The following ZC3H12B variants were observed in gnomAD, a reference collection of about 807,000 sequenced individuals.
ZC3H12B encodes zinc finger CCCH-type containing 12B.
In ZC3H12B, 7 loss-of-function variants were observed where a neutral mutation model predicts 43.9. The observed-to-expected ratio is 0.16, with a 90% CI of 0.09 to 0.30. The LOEUF is 0.30. Ranked by LOEUF, ZC3H12B falls within the 10% of genes least tolerant of loss-of-function variation. The pLI is 1.00. For synonymous variants in ZC3H12B, 222 were observed against 241.7 expected (o/e 0.92, Z 0.76); for missense variants, 475 against 670.2 (o/e 0.71, Z 3.22).
At chrX:65,165,194 C>T in the ZC3H12B span, among the ~76,000 whole-genome samples, 2 of 112,017 alleles carry the variant, frequency 1.8e-5, no homozygotes, top group Non-Finnish European at 3.8e-5. Flanking sequence ...TTACTTCCTT[C>T]TTTTATATTG....
At chrX:65,153,218 C>A in the ZC3H12B span, among the ~76,000 whole-genome samples, 3 of 111,690 alleles carry the variant, frequency 2.7e-5, no homozygotes, top group African/African-American at 6.5e-5. Context: ...GCAACAAAAG[C>A]CAAAATTGAC....
At chrX:65,167,844 A>G in the ZC3H12B span, among the ~76,000 whole-genome samples, 2 of 111,427 alleles carry the variant, frequency 1.8e-5, no homozygotes, top group East Asian at 2.8e-4. Flanking sequence ...TCTATTTGTT[A>G]TTGGTGTATA....
At chrX:65,389,282 A>G (rs769776625) in intron 2 of ZC3H12B, among the ~76,000 whole-genome samples, 148 of 112,071 alleles carry the variant, frequency 1.3e-3, no homozygotes, top group African/African-American at 4.5e-3. Context: ...GGTGGGCTCC[A>G]CCCAGTTCGC....
the ZC3H12B span, among the ~76,000 whole-genome samples, chrX:65,088,573 A>G: frequency 1.8e-5 from 2 of 111,921 alleles, no homozygotes; most frequent in Non-Finnish European, 3.8e-5. Context: ...GCTTCTGCTT[A>G]ATCTTTTCTA....
chrX:65,255,095 T>A, the ZC3H12B span, among the ~76,000 whole-genome samples: 1 of 111,770 alleles, frequency 8.9e-6, no homozygotes, highest in African/African-American at 3.3e-5. Flanking sequence ...TTCATCAACG[T>A]CCCTGAAGAG....
At chrX:65,283,612 C>T in the ZC3H12B span, among the ~76,000 whole-genome samples, 4 of 111,980 alleles carry the variant, frequency 3.6e-5, no homozygotes, top group Admixed American at 9.4e-5. Context: ...AGCTGATAAG[C>T]GACTTCAGCA....
chrX:65,189,763 T>C, the ZC3H12B span, among the ~76,000 whole-genome samples: 1 of 111,192 alleles, frequency 9.0e-6, no homozygotes, highest in Non-Finnish European at 1.9e-5. Context: ...TTCACTCTGA[T>C]GGTAGTTGCT....
At chrX:65,379,238 C>A (rs1258349405) in intron 2 of ZC3H12B, among the ~76,000 whole-genome samples, 1 of 111,816 alleles carries the variant, frequency 8.9e-6, no homozygotes, top group South Asian at 3.7e-4. Context: ...CAGTGGTTCT[C>A]CCAGCACGCA....
chrX:65,211,738 A>G, the ZC3H12B span, among the ~76,000 whole-genome samples: 1 of 85,869 alleles, frequency 1.2e-5, no homozygotes, highest in Non-Finnish European at 2.1e-5. Context: ...GTAATAATAT[A>G]TATATTATAT....
intron 2 of ZC3H12B, among the ~76,000 whole-genome samples, chrX:65,388,216 G>A (rs900494523): frequency 8.9e-5 from 10 of 111,980 alleles, no homozygotes; most frequent in Non-Finnish European, 1.7e-4. Flanking sequence ...ACTTCTCCTG[G>A]ATAATATCCT....
At chrX:65,044,712 A>G in the ZC3H12B span, among the ~76,000 whole-genome samples, 1 of 111,584 alleles carries the variant, frequency 9.0e-6, no homozygotes, top group African/African-American at 3.3e-5. Flanking sequence ...AGACACACAC[A>G]CACAGAAATA....
At chrX:65,312,516 C>CA in the ZC3H12B span, among the ~76,000 whole-genome samples, 23,048 of 100,455 alleles carry the variant, frequency 0.23, 6,366 homozygotes, top group African/African-American at 0.76. Flanking sequence ...ATAAAGGAGC[C>CA]AAAAAAAAAA....
chrX:65,184,961 A>G, the ZC3H12B span: 1 of 111,565 alleles, frequency 9.0e-6, no homozygotes, highest in Non-Finnish European at 1.9e-5. Context: ...TTCTTCATTT[A>G]TATAGAAAAT....
At chrX:65,064,293 C>G in the ZC3H12B span, among the ~76,000 whole-genome samples, 4 of 111,893 alleles carry the variant, frequency 3.6e-5, no homozygotes, top group African/African-American at 1.3e-4. Flanking sequence ...GTATTTAATG[C>G]TATAAGTTTC....
chrX:65,142,998 CA>C, the ZC3H12B span, among the ~76,000 whole-genome samples: 1 of 110,753 alleles, frequency 9.0e-6, no homozygotes, highest in South Asian at 3.8e-4. Flanking sequence ...TTTTTTGTTC[CA>C]TAAAAATTTT....
At chrX:65,162,373 G>T in the ZC3H12B span, among the ~76,000 whole-genome samples, 3 of 111,915 alleles carry the variant, frequency 2.7e-5, no homozygotes, top group Non-Finnish European at 5.6e-5. Context: ...TTCCAACTTC[G>T]TTCCGTTCTC....
chrX:65,158,165 T>G, the ZC3H12B span, among the ~76,000 whole-genome samples: 1 of 109,292 alleles, frequency 9.1e-6, no homozygotes, highest in African/African-American at 3.3e-5. Context: ...CTTAATCCAG[T>G]CTATCATTGT....
At chrX:65,393,246 A>G (rs1218326711) in intron 2 of ZC3H12B, among the ~76,000 whole-genome samples, 3 of 111,488 alleles carry the variant, frequency 2.7e-5, no homozygotes, top group Admixed American at 9.5e-5. Flanking sequence ...TGATCAATAA[A>G]TACTAAAAAA....
At chrX:65,226,732 C>T in the ZC3H12B span, among the ~76,000 whole-genome samples, 1 of 111,043 alleles carries the variant, frequency 9.0e-6, no homozygotes, top group Non-Finnish European at 1.9e-5. Context: ...GGTTGCAATC[C>T]TAGTCTCTGA....
Sources: gnomAD v4.1 joint callset for allele counts (sites outside exome capture counted in the v4.1 genomes callset) on GRCh38, gnomAD v4.1.1 for gene constraint, MANE v1.5 for transcripts, NCBI Gene and HGNC (gene_info 2026-07-23, HGNC 2026-07-21) for gene names.